CHMP4B: variants seen among roughly 807,000 people sequenced by gnomAD.
CHMP4B encodes SNF7 homolog associated with Alix 1.
Under a neutral mutation model 25.1 loss-of-function variants are expected in CHMP4B, and 1 was observed. The observed-to-expected ratio is 0.04, with a 90% CI of 0.01 to 0.19. The LOEUF (loss-of-function observed/expected upper bound fraction) is 0.19. Among genes scored for constraint, CHMP4B ranks in the 10% least tolerant of loss-of-function variants. CHMP4B has a pLI of 1.00. For synonymous variants in CHMP4B, 101 were observed against 115.6 expected, an observed-to-expected ratio of 0.87 and a Z score of 0.81; for missense variants, 151 against 289.7, an observed-to-expected ratio of 0.52 and a Z score of 3.48.
At chr20:33,835,668 A>C (rs1013122497) in intron 1 of CHMP4B, among the ~76,000 whole-genome samples, 2 of 152,224 alleles carry the variant, frequency 1.3e-5, no homozygotes, top group South Asian at 4.1e-4. Flanking sequence ...AGATTATCTT[A>C]GTCTATTTGT....
At chr20:33,851,091 TA>T in intron 3 of CHMP4B, 25 bp downstream of exon 3, 1 of 1,390,846 alleles carries the variant, frequency 7.2e-7, no homozygotes, top group East Asian at 2.3e-5. Context: ...ACAGATCCCA[TA>T]AGCTTCACAA....
intron 1 of CHMP4B, among the ~76,000 whole-genome samples, chr20:33,820,436 T>C (rs1393952874): frequency 1.3e-5 from 2 of 152,244 alleles, no homozygotes; most frequent in Non-Finnish European, 2.9e-5. Flanking sequence ...AGCTAGAAAC[T>C]TGCTTCATTC....
At chr20:33,839,531 A>G (rs900802043) in intron 1 of CHMP4B, among the ~76,000 whole-genome samples, 12 of 152,222 alleles carry the variant, frequency 7.9e-5, no homozygotes, top group Non-Finnish European at 1.0e-4. Flanking sequence ...TTTAAAATCT[A>G]CTAGAAAAAA....
At chr20:33,852,760 T>C (rs1317248741) in intron 4 of CHMP4B, among the ~76,000 whole-genome samples, 1 of 152,222 alleles carries the variant, frequency 6.6e-6, no homozygotes, top group Non-Finnish European at 1.5e-5. Context: ...TATCCTGTGC[T>C]GCGCACCCTG....
chr20:33,830,915 A>G (rs1023418243), intron 1 of CHMP4B, among the ~76,000 whole-genome samples: 3 of 144,530 alleles, frequency 2.1e-5, no homozygotes, highest in Non-Finnish European at 4.5e-5. Flanking sequence ...CTGTGAATTA[A>G]TTGTTCAAAG....
intron 1 of CHMP4B, among the ~76,000 whole-genome samples, chr20:33,817,977 C>T (rs1204689970): frequency 6.6e-6 from 1 of 152,146 alleles, no homozygotes; most frequent in Non-Finnish European, 1.5e-5. Context: ...GCAGCTTTAC[C>T]TTTCATCAGT....
intron 1 of CHMP4B, among the ~76,000 whole-genome samples, chr20:33,834,720 G>A (rs1339317114): frequency 2.6e-5 from 4 of 152,054 alleles, no homozygotes; most frequent in African/African-American, 7.3e-5. Context: ...TTTGACCTAC[G>A]GCTTATTTAG....
chr20:33,815,494 G>A (rs1022168241), intron 1 of CHMP4B, among the ~76,000 whole-genome samples: 2 of 152,188 alleles, frequency 1.3e-5, no homozygotes, highest in Non-Finnish European at 1.5e-5. Context: ...TGGGCAGCTG[G>A]TTGGATGGTG....
intron 1 of CHMP4B, among the ~76,000 whole-genome samples, chr20:33,845,221 C>T (rs1218223027): frequency 1.3e-5 from 2 of 152,144 alleles, no homozygotes; most frequent in East Asian, 1.9e-4. Flanking sequence ...TCTCCTTGTT[C>T]ATTTGGGATC....
chr20:33,813,904 T>C (rs1354567915), intron 1 of CHMP4B, among the ~76,000 whole-genome samples: 1 of 152,200 alleles, frequency 6.6e-6, no homozygotes, highest in Non-Finnish European at 1.5e-5. Context: ...GGCTAATTTT[T>C]GTATTTTTAG....
intron 1 of CHMP4B, among the ~76,000 whole-genome samples, chr20:33,818,395 A>G (rs1383926503): frequency 6.6e-6 from 1 of 152,248 alleles, no homozygotes; most frequent in Non-Finnish European, 1.5e-5. Flanking sequence ...CAATGCCCAG[A>G]TTCCCTCTGT....
chr20:33,811,416 G>A lies in CHMP4B; in HGVS notation c.-53G>A. The A allele has an allele frequency of 7.0e-7, 1 of 1,424,984 alleles. No homozygotes were observed. The highest frequency in any genetic ancestry group is 1.5e-5 in the South Asian group (1 of 65,730). The allele number at this position is 1,424,984 out of a possible 1,614,324, so 88.3% of individuals were successfully genotyped here. A position where few individuals can be genotyped will look rare whatever the true frequency, so the allele number is the denominator to read the frequency against. Reference sequence around the variant, plus strand: ...CGCCGGAGCCGACCCGAGCCGAGCCGAGCCGAGCCGAGCCGGAGCGGGCGG... The same window carrying A: ...CGCCGGAGCCGACCCGAGCCGAGCCAAGCCGAGCCGAGCCGGAGCGGGCGG... On this transcript the variant is annotated 5_prime_UTR_variant, in exon 1 of 5. Coordinates refer to ENST00000217402, the MANE Select transcript of CHMP4B (RefSeq NM_176812.5).
chr20:33,830,475 A>C (rs970059287), intron 1 of CHMP4B, among the ~76,000 whole-genome samples: 6 of 152,220 alleles, frequency 3.9e-5, no homozygotes, highest in Admixed American at 3.3e-4. Context: ...GTCGATGGTC[A>C]AGGTGCTGGG....
intron 1 of CHMP4B, among the ~76,000 whole-genome samples, chr20:33,837,344 C>G (rs1045413343): frequency 6.6e-6 from 1 of 151,852 alleles, no homozygotes; most frequent in Admixed American, 6.6e-5. Context: ...GAGCAAGACC[C>G]TGTCTTACAA....
intron 1 of CHMP4B, among the ~76,000 whole-genome samples, chr20:33,826,681 C>T (rs531259191): frequency 5.3e-5 from 8 of 152,252 alleles, no homozygotes; most frequent in African/African-American, 1.9e-4. Flanking sequence ...CTTGTTTGTT[C>T]TCCCAATTCC....
At chr20:33,839,997 T>G (rs1979490493) in intron 1 of CHMP4B, among the ~76,000 whole-genome samples, 1 of 152,156 alleles carries the variant, frequency 6.6e-6, no homozygotes, top group African/African-American at 2.4e-5. Flanking sequence ...CCCAGGAAGC[T>G]TCTCATAAAT....
rs191108815 is a variant in CHMP4B at position 33,812,300 on chromosome 20, C to G, written c.190+642C>G. Among the ~76,000 whole-genome samples the G allele has an allele frequency of 2.6e-5, 4 of 152,320 alleles. No individual in the cohort carries two copies. In the East Asian group the frequency reaches 7.7e-4, roughly 29 times the overall value. ...GCCAGAGTTCGGCCTCTGTTGAGGC[C>G]TAAGGTGTTTTCCAGCGTTGTGATT... is the stretch of plus-strand genomic sequence containing the variant. On this transcript the variant is annotated intron_variant, in intron 1 of 4. Transcript: ENST00000217402.
chr20:33,842,280 T>C (rs1979564206), intron 1 of CHMP4B, among the ~76,000 whole-genome samples: 1 of 151,936 alleles, frequency 6.6e-6, no homozygotes. Context: ...TCAGACAAGA[T>C]TGGGCATGTT....
At chr20:33,833,716 G>C (rs1042601388) in intron 1 of CHMP4B, among the ~76,000 whole-genome samples, 3 of 151,834 alleles carry the variant, frequency 2.0e-5, no homozygotes, top group Non-Finnish European at 4.4e-5. Context: ...CTCTTTTCCT[G>C]CTGCTTGGAT....
Sources: gnomAD v4.1 joint callset for allele counts (sites outside exome capture counted in the v4.1 genomes callset) on GRCh38, gnomAD v4.1.1 for gene constraint, MANE v1.5 for transcripts, NCBI Gene and HGNC (gene_info 2026-07-23, HGNC 2026-07-21) for gene names.